The following EPS15 variants were observed in gnomAD, a reference collection of about 807,000 sequenced individuals.
The protein encoded by EPS15 is epidermal growth factor receptor pathway substrate 15, also known as epidermal growth factor receptor substrate 15.
In EPS15, 72 loss-of-function variants were observed where a neutral mutation model predicts 113.8. The ratio of observed to expected loss-of-function variants is 0.63; its 90% confidence interval spans 0.52 to 0.77. The LOEUF is 0.77. Among genes scored for constraint, EPS15 ranks in the 30% least tolerant of loss-of-function variants. The probability of loss-of-function intolerance (pLI) is 0.00; values close to 1 mark genes in which losing one functional copy is unlikely to be tolerated. For missense variants in EPS15, 1,048 were observed against 1,045.8 expected (o/e 1.00, Z -0.03); for synonymous variants, 344 against 363.4 (o/e 0.95, Z 0.61).
At chr1:51,417,033 G>A (rs1650284207) in intron 13 of EPS15, among the ~76,000 whole-genome samples, 1 of 151,984 alleles carries the variant, frequency 6.6e-6, no homozygotes, top group Admixed American at 6.6e-5. Context: ...AAACTAGGGT[G>A]GGTGTTAGAA....
chr1:51,476,375 C>T (rs529285933), intron 2 of EPS15, among the ~76,000 whole-genome samples: 63 of 152,202 alleles, frequency 4.1e-4, no homozygotes, highest in Non-Finnish European at 2.2e-4. Context: ...TCTTTTATTT[C>T]GCTGAGCAGT....
intron 12 of EPS15, among the ~76,000 whole-genome samples, chr1:51,429,660 C>CT (rs1179922166): frequency 3.0e-5 from 3 of 99,116 alleles, no homozygotes; most frequent in East Asian, 3.5e-4. Context: ...TTTTTTTTTT[C>CT]TTTTTTTTGA....
intron 2 of EPS15, 89 bp downstream of exon 2, chr1:51,481,184 G>T: frequency 1.3e-6 from 1 of 753,254 alleles, no homozygotes; most frequent in South Asian, 1.5e-5. Context: ...CAAATTTATC[G>T]AGCTAGCTGG....
chr1:51,496,814 A>T (rs879387275), intron 1 of EPS15, among the ~76,000 whole-genome samples: 1 of 152,208 alleles, frequency 6.6e-6, no homozygotes, highest in African/African-American at 2.4e-5. Context: ...ACTGGATAAC[A>T]TATCAACTTC....
intron 13 of EPS15, among the ~76,000 whole-genome samples, chr1:51,414,066 T>C (rs897271032): frequency 7.9e-5 from 12 of 152,040 alleles, no homozygotes; most frequent in African/African-American, 2.9e-4. Context: ...AGCTATAAAA[T>C]ATTTTAAAAG....
chr1:51,464,560 A>C (rs7512458), intron 6 of EPS15, among the ~76,000 whole-genome samples: 4,583 of 152,298 alleles, frequency 0.03, 76 homozygotes, highest in African/African-American at 0.05. Flanking sequence ...ATAATTACTA[A>C]AGGAATAAAC....
chr1:51,363,920 G>A lies in EPS15; in HGVS notation c.2305C>T (p.Pro769Ser). The change falls in exon 23 of 25, where the codon CCA becomes TCA. Residue 769 changes from proline (P) to serine (S), a missense_variant. By Grantham distance (74) the Pro-to-Ser change is moderately conservative. Transcript: ENST00000371733. ...GTTCCGATCTTTGGTGGCAGTGCTG[G>A]GGGTTCATCTTCACTTTTGACCGAT... ...ETSVKSEDEP[P>S]ALPPKIGTPT... 2 of 1,613,898 alleles carry A rather than the reference G, an allele frequency of 1.2e-6. No individual in the cohort carries two copies. Among genetic ancestry groups the A allele is most frequent in the Non-Finnish European group, 1.7e-6 (2 of 1,179,870 alleles).
At chr1:51,400,816 T>TA in intron 19 of EPS15, 102 bp downstream of exon 19, 2 of 538,710 alleles carry the variant, frequency 3.7e-6, no homozygotes, top group Non-Finnish European at 3.2e-6. Context: ...GCCAGGCACA[T>TA]AGAGCATCTT....
chr1:51,433,411 A>C (rs1651894265), intron 12 of EPS15, among the ~76,000 whole-genome samples: 1 of 152,270 alleles, frequency 6.6e-6, no homozygotes, highest in Non-Finnish European at 1.5e-5. Flanking sequence ...TGAGGTACAG[A>C]TAGTTAAGTA....
At chr1:51,443,683 C>G (rs1385669613) in intron 11 of EPS15, among the ~76,000 whole-genome samples, 1 of 151,646 alleles carries the variant, frequency 6.6e-6, no homozygotes, top group Non-Finnish European at 1.5e-5. Context: ...GGGTCTTGCT[C>G]TGTTGCCCCG....
intron 1 of EPS15, among the ~76,000 whole-genome samples, chr1:51,517,997 C>T (rs536054499): frequency 1.6e-4 from 24 of 152,270 alleles, no homozygotes; most frequent in Non-Finnish European, 3.4e-4. Context: ...CTTAGAAGCA[C>T]CGACGAATCT....
At chr1:51,363,101 C>T (rs1646425924) in intron 23 of EPS15, among the ~76,000 whole-genome samples, 2 of 151,926 alleles carry the variant, frequency 1.3e-5, no homozygotes, top group South Asian at 4.1e-4. Flanking sequence ...AGGTAGAGAC[C>T]AGCGTGGCCA....
At chr1:51,496,570 T>C (rs545107819) in intron 1 of EPS15, among the ~76,000 whole-genome samples, 55 of 152,342 alleles carry the variant, frequency 3.6e-4, no homozygotes, top group East Asian at 5.8e-4. Flanking sequence ...AAGTCAAAGC[T>C]TTCTTCACAT....
chr1:51,447,629 A>T (rs1345424583), intron 9 of EPS15, among the ~76,000 whole-genome samples: 1 of 152,212 alleles, frequency 6.6e-6, no homozygotes. Flanking sequence ...TTAACTAGGT[A>T]TTAAACAAAA....
intron 8 of EPS15, among the ~76,000 whole-genome samples, chr1:51,452,794 G>A (rs759252164): frequency 5.3e-5 from 8 of 152,252 alleles, no homozygotes; most frequent in African/African-American, 7.2e-5. Flanking sequence ...CTTTACAAGC[G>A]ATAAAACTAA....
chr1:51,508,672 T>C (rs60375184), intron 1 of EPS15, among the ~76,000 whole-genome samples: 4,566 of 152,236 alleles, frequency 0.03, 74 homozygotes, highest in African/African-American at 0.05. Flanking sequence ...AATATATATA[T>C]AAAATATTTT....
chr1:51,388,207 C>T (rs1223339523), intron 21 of EPS15, among the ~76,000 whole-genome samples: 10 of 152,212 alleles, frequency 6.6e-5, no homozygotes, highest in Non-Finnish European at 1.2e-4. Flanking sequence ...GAACAACCTG[C>T]TCCTGAATGA....
chr1:51,394,342 T>A (rs1220190475), intron 21 of EPS15, 39 bp downstream of exon 21: 3 of 1,310,600 alleles, frequency 2.3e-6, no homozygotes, highest in African/African-American at 3.0e-5. Context: ...TTAAAAAAAA[T>A]GTTTAATGTT....
chr1:51,383,113 T>C (rs1646978585), intron 21 of EPS15, among the ~76,000 whole-genome samples: 1 of 152,150 alleles, frequency 6.6e-6, no homozygotes, highest in Non-Finnish European at 1.5e-5. Context: ...ATTAACAGAA[T>C]GAGGGGAAAA....
Sources: allele counts gnomAD v4.1 joint callset (sites outside exome capture counted in the v4.1 genomes callset), GRCh38; gene constraint gnomAD v4.1.1; transcripts MANE v1.5; gene names NCBI Gene and HGNC (gene_info 2026-07-23, HGNC 2026-07-21).